The following NRXN1 variants were observed in gnomAD, a reference collection of about 807,000 sequenced individuals.
NRXN1 encodes neurexin 1, also known as neurexin-1.
NRXN1 carries 39 observed loss-of-function variants against 150.9 expected under a neutral mutation model. The observed-to-expected ratio is 0.26, with a 90% CI of 0.20 to 0.34. The LOEUF is 0.34. NRXN1 is among the 10% of genes least tolerant of loss of function. NRXN1 has a pLI of 1.00. For synonymous variants in NRXN1, 924 were observed against 757.0 expected (o/e 1.22, Z -3.62); for missense variants, 1,815 against 1,949.9 (o/e 0.93, Z 1.30).
intron 19 of NRXN1, among the ~76,000 whole-genome samples, chr2:50,078,827 C>T (rs564905183): frequency 1.3e-5 from 2 of 152,198 alleles, no homozygotes; most frequent in South Asian, 2.1e-4. Flanking sequence ...AACTTGATCA[C>T]TTAAGGTGAT....
intron 2 of NRXN1, among the ~76,000 whole-genome samples, chr2:50,959,455 C>T (rs577535157): frequency 1.3e-5 from 2 of 151,944 alleles, no homozygotes. Flanking sequence ...ATACATATTA[C>T]AATATTAGGA....
At position 50,551,074 on chromosome 2, in the gene NRXN1, A is replaced by AGAGGAG. The variant is rs1190766975; in HGVS notation, c.1759+1507_1759+1512dup. Among the ~76,000 whole-genome samples, 874 of 110,494 alleles carry AGAGGAG rather than the reference A, an allele frequency of 7.9e-3. 5 individuals carry two copies. The highest frequency in any genetic ancestry group is 0.012 in the Non-Finnish European group (674 of 54,454). The allele number at this position is 110,494 out of a possible 152,430, so 72.5% of individuals were successfully genotyped here. A position where few individuals can be genotyped will look rare whatever the true frequency, so the allele number is the denominator to read the frequency against. ...AGGAAGAAGAAGAAGAAGAAGAAGA[A>AGAGGAG]GAGGAGGAGGAGGAGGAGGAGGAGG... On this transcript the variant is annotated intron_variant, in intron 9 of 22. Coordinates refer to ENST00000401669, the MANE Select transcript of NRXN1 (RefSeq NM_001330078.2).
At chr2:50,114,749 A>C (rs1229675811) in intron 18 of NRXN1, among the ~76,000 whole-genome samples, 1 of 152,116 alleles carries the variant, frequency 6.6e-6, no homozygotes, top group African/African-American at 2.4e-5. Context: ...ACTAAGCTAA[A>C]GAAACTAATC....
chr2:50,332,503 C>A (rs914877007), intron 17 of NRXN1, among the ~76,000 whole-genome samples: 1 of 152,178 alleles, frequency 6.6e-6, no homozygotes, highest in African/African-American at 2.4e-5. Flanking sequence ...TCACCTTCAC[C>A]TAGTTGGAGA....
rs1461852258 is a variant in NRXN1, at chr2:50,481,655, A to G, written c.3071-9184T>C. Among the ~76,000 whole-genome samples, 3 of 151,528 alleles carry G rather than the reference A, an allele frequency of 2.0e-5. No homozygotes were observed. The East Asian group carries it at 5.8e-4, about 29-fold the overall frequency. Reference sequence around the variant, plus strand: ...GGAGGGGCAACCCCAAGAAGATAAGAGTTTAGACCTTAACGTTTTCCTGTA... The same window carrying G: ...GGAGGGGCAACCCCAAGAAGATAAGGGTTTAGACCTTAACGTTTTCCTGTA... On this transcript the variant is annotated intron_variant, in intron 15 of 22. Coordinates refer to ENST00000401669, the MANE Select transcript of NRXN1 (RefSeq NM_001330078.2).
chr2:50,928,325 T>C (rs1221695603), intron 2 of NRXN1, among the ~76,000 whole-genome samples: 2 of 151,934 alleles, frequency 1.3e-5, no homozygotes, highest in African/African-American at 4.8e-5. Flanking sequence ...TTTCCTTGAG[T>C]TTCCATATAC....
At chr2:50,417,007 TTAATCAAAAAACAG>T (rs2083586801) in intron 17 of NRXN1, 1 of 151,890 alleles carries the variant, frequency 6.6e-6, no homozygotes, top group African/African-American at 2.4e-5. Context: ...TTTTGAAATC[TTAATCAAAAAACAG>T]TAACGGTTTC....
chr2:50,854,482 A>C (rs1475533151), intron 5 of NRXN1, among the ~76,000 whole-genome samples: 3 of 152,130 alleles, frequency 2.0e-5, no homozygotes, highest in Non-Finnish European at 2.9e-5. Context: ...CGTAGAGTAC[A>C]TTCTGAATAG....
intron 2 of NRXN1, among the ~76,000 whole-genome samples, chr2:51,001,148 G>C (rs1395140755): frequency 7.0e-6 from 1 of 142,844 alleles, no homozygotes; most frequent in Non-Finnish European, 1.5e-5. Flanking sequence ...GGAATGCTTT[G>C]TGTAGTAAAC....
At chr2:50,870,743 C>G (rs1677654826) in intron 5 of NRXN1, among the ~76,000 whole-genome samples, 1 of 151,790 alleles carries the variant, frequency 6.6e-6, no homozygotes, top group Admixed American at 6.6e-5. Context: ...CTCCTCACCA[C>G]CCTTTCAATT....
chr2:50,532,734 G>A (rs1370754877), intron 10 of NRXN1, among the ~76,000 whole-genome samples: 4 of 151,952 alleles, frequency 2.6e-5, no homozygotes, highest in East Asian at 3.9e-4. Context: ...AAGTTGCTTA[G>A]TACTGTCTTA....
intron 5 of NRXN1, among the ~76,000 whole-genome samples, chr2:50,829,124 C>A (rs1382358993): frequency 1.4e-5 from 2 of 146,366 alleles, no homozygotes; most frequent in South Asian, 4.3e-4. Context: ...AGGCACTCGG[C>A]AGGCTGAGGC....
intron 18 of NRXN1, among the ~76,000 whole-genome samples, chr2:50,123,396 C>G (rs1244896292): frequency 1.3e-5 from 2 of 152,066 alleles, no homozygotes; most frequent in Non-Finnish European, 2.9e-5. Flanking sequence ...GAGGTGAAAG[C>G]AAACATGGTA....
intron 21 of NRXN1, among the ~76,000 whole-genome samples, chr2:49,962,602 T>C (rs1220339657): frequency 6.6e-6 from 1 of 152,118 alleles, no homozygotes; most frequent in African/African-American, 2.4e-5. Flanking sequence ...ACCTTTCATA[T>C]TTCCCATGCA....
At chr2:50,203,975 CT>C in intron 18 of NRXN1, among the ~76,000 whole-genome samples, 1 of 152,210 alleles carries the variant, frequency 6.6e-6, no homozygotes, top group Admixed American at 6.5e-5. Context: ...AACGCCAATA[CT>C]GTGTAAATAT....
chr2:50,903,090 G>A (rs926911566), intron 5 of NRXN1, among the ~76,000 whole-genome samples: 2 of 152,028 alleles, frequency 1.3e-5, no homozygotes, highest in African/African-American at 2.4e-5. Context: ...TTCCCAACCA[G>A]CACCAATATA....
At chr2:50,532,019 A>G (rs2093129605) in intron 10 of NRXN1, among the ~76,000 whole-genome samples, 1 of 151,906 alleles carries the variant, frequency 6.6e-6, no homozygotes, top group South Asian at 2.1e-4. Flanking sequence ...CTAGCTTATT[A>G]TTAATACTTT....
rs182577789 is a variant in NRXN1 at position 50,018,285 on chromosome 2, C to T, written c.4128+34986G>A. On this transcript the variant is annotated intron_variant, in intron 21 of 22. Transcript: ENST00000401669. The stretch of plus-strand genomic sequence containing the variant: ...GCGGGTTTATTTTTCTTTGTCTTGA[C>T]ATTAATGAGCTATGTATTCAGGGAA... 2.6e-5 allele frequency among the ~76,000 whole-genome samples: 4 copies of T among 152,282 alleles called. No individual in the cohort carries two copies. The East Asian group carries it at 7.7e-4, about 29-fold the overall frequency.
At chr2:50,448,611 C>CT (rs1491571682) in intron 17 of NRXN1, among the ~76,000 whole-genome samples, 2 of 152,164 alleles carry the variant, frequency 1.3e-5, no homozygotes, top group African/African-American at 4.8e-5. Context: ...TTTTATGACA[C>CT]TTTTTACTAA....
Sources: gnomAD v4.1 joint callset for allele counts (sites outside exome capture counted in the v4.1 genomes callset) on GRCh38, gnomAD v4.1.1 for gene constraint, MANE v1.5 for transcripts, NCBI Gene and HGNC (gene_info 2026-07-23, HGNC 2026-07-21) for gene names.